The following DACH2 variants were observed in gnomAD, a reference collection of about 807,000 sequenced individuals.
DACH2 encodes dachshund homolog 2.
DACH2 carries 17 observed loss-of-function variants against 35.8 expected under a neutral mutation model. The ratio of observed to expected loss-of-function variants is 0.48; its 90% CI spans 0.33 to 0.71. The LOEUF is 0.71. Ranked by LOEUF, DACH2 falls within the 30% of genes least tolerant of loss-of-function variation. DACH2 has a pLI of 0.02. For missense variants in DACH2, 469 were observed against 472.7 expected (o/e 0.99, Z 0.07); for synonymous variants, 195 against 177.3 (o/e 1.10, Z -0.79).
intron 4 of DACH2, among the ~76,000 whole-genome samples, chrX:86,669,849 G>A (rs977223132): frequency 9.0e-6 from 1 of 110,981 alleles, no homozygotes; most frequent in South Asian, 3.8e-4. Flanking sequence ...GTAGATTTCA[G>A]TTTGATGATG....
intron 2 of DACH2, among the ~76,000 whole-genome samples, chrX:86,468,463 T>C (rs2037709222): frequency 9.0e-6 from 1 of 111,353 alleles, no homozygotes; most frequent in Non-Finnish European, 1.9e-5. Context: ...GCAGACTGTA[T>C]CCCACTTATT....
intron 1 of DACH2, among the ~76,000 whole-genome samples, chrX:86,194,047 T>C (rs769147280): frequency 4.5e-5 from 5 of 110,716 alleles, no homozygotes; most frequent in Non-Finnish European, 7.6e-5. Context: ...CCTCTCTATA[T>C]ATATCACTCA....
At chrX:86,770,603 A>G (rs1197432578) in intron 7 of DACH2, among the ~76,000 whole-genome samples, 3 of 76,167 alleles carry the variant, frequency 3.9e-5, no homozygotes, top group Non-Finnish European at 8.2e-5. Flanking sequence ...GACAGTTTCT[A>G]TCATTATTTG....
intron 1 of DACH2, among the ~76,000 whole-genome samples, chrX:86,202,750 A>C (rs769786983): frequency 1.8e-5 from 2 of 111,276 alleles, no homozygotes; most frequent in African/African-American, 3.3e-5. Flanking sequence ...AGGATTTGGC[A>C]GTGGCAATGG....
chrX:86,567,915 A>T (rs748832083), intron 3 of DACH2, among the ~76,000 whole-genome samples: 117 of 111,702 alleles, frequency 1.0e-3, no homozygotes, highest in Admixed American at 2.0e-3. Context: ...GATATTCTGC[A>T]GTAGGTGAAT....
At chrX:86,202,879 C>A (rs1434595796) in intron 1 of DACH2, among the ~76,000 whole-genome samples, 3 of 111,215 alleles carry the variant, frequency 2.7e-5, no homozygotes, top group African/African-American at 9.8e-5. Context: ...GACTCAGAAC[C>A]ACACACATTG....
intron 5 of DACH2, among the ~76,000 whole-genome samples, chrX:86,700,214 G>A (rs759282230): frequency 1.8e-5 from 2 of 111,130 alleles, no homozygotes; most frequent in South Asian, 3.8e-4. Flanking sequence ...ATGTGCAGAC[G>A]GGAAGAATGT....
chrX:86,236,425 A>G (rs1276101716), intron 1 of DACH2, among the ~76,000 whole-genome samples: 7 of 112,443 alleles, frequency 6.2e-5, no homozygotes, highest in Non-Finnish European at 1.9e-5. Flanking sequence ...TATATTTAAT[A>G]TACAGTCATG....
chrX:86,211,692 A>G (rs1013950434), intron 1 of DACH2, among the ~76,000 whole-genome samples: 1 of 111,814 alleles, frequency 8.9e-6, no homozygotes, highest in Non-Finnish European at 1.9e-5. Flanking sequence ...CTATTTGTAC[A>G]CCCTTTACCT....
At position 86,149,067 on chromosome X, in the gene DACH2, G is replaced by A. The variant is rs767788757; in HGVS notation, c.447G>A (p.Arg149=). 1 of 1,190,438 alleles carries A rather than the reference G, an allele frequency of 8.4e-7. No individual in the cohort carries two copies. ...TAAACCGCTGCAAACTCATCACCAG[G>A]AAAGACTTCGAAACTTTGTTCACCG... ...PGVNRCKLIT[R]KDFETLFTDC... is the part of the protein sequence containing the mutation. The change falls in exon 1 of 12, where the codon AGG becomes AGA. Residue 149 remains arginine (R), a synonymous_variant. Transcript: ENST00000373125.
intron 3 of DACH2, among the ~76,000 whole-genome samples, chrX:86,616,474 G>A (rs2040005592): frequency 8.9e-6 from 1 of 111,960 alleles, no homozygotes; most frequent in South Asian, 3.7e-4. Context: ...ACTGGTGTAA[G>A]GTTGTATCTC....
At chrX:86,382,985 A>C (rs1400148974) in intron 2 of DACH2, among the ~76,000 whole-genome samples, 19 of 110,424 alleles carry the variant, frequency 1.7e-4, no homozygotes, top group Non-Finnish European at 2.7e-4. Flanking sequence ...GTTTAAGCAT[A>C]CTCTGGAAAC....
intron 2 of DACH2, among the ~76,000 whole-genome samples, chrX:86,491,687 TA>T (rs1163113782): frequency 9.0e-6 from 1 of 111,504 alleles, no homozygotes; most frequent in Non-Finnish European, 1.9e-5. Context: ...TTATAAGAGT[TA>T]AAAGGATGTT....
In DACH2 at chrX:86,585,170, C is replaced by T. The variant is rs577598190; in HGVS notation, c.641-65866C>T. ...ATTTTCCTTTGGGTATATATGTTTA[C>T]AGTAATGATACTGCTGGGTCCAATG... On this transcript the variant is annotated intron_variant, in intron 3 of 11. Transcript: ENST00000373125. Among the ~76,000 whole-genome samples the T allele has an allele frequency of 4.8e-4, 53 of 110,659 alleles. 1 individual carries two copies. The highest frequency in any genetic ancestry group is 1.6e-3 in the African/African-American group (48 of 30,574).
chrX:86,314,062 C>T (rs2034850769), intron 1 of DACH2, among the ~76,000 whole-genome samples: 1 of 110,659 alleles, frequency 9.0e-6, no homozygotes, highest in Admixed American at 9.8e-5. Flanking sequence ...TGTGTTCTCA[C>T]TGGTCTACTG....
At chrX:86,482,078 C>T (rs2037945167) in intron 2 of DACH2, among the ~76,000 whole-genome samples, 2 of 111,443 alleles carry the variant, frequency 1.8e-5, no homozygotes, top group Admixed American at 9.6e-5. Flanking sequence ...TTTTTGAGCT[C>T]TGTTGCACAT....
At chrX:86,495,623 A>G (rs1364436325) in intron 2 of DACH2, among the ~76,000 whole-genome samples, 1 of 109,813 alleles carries the variant, frequency 9.1e-6, no homozygotes, top group African/African-American at 3.3e-5. Flanking sequence ...CAGCCTGGGC[A>G]ACATAGTGAG....
chrX:86,474,815 C>T (rs962665205), intron 2 of DACH2, among the ~76,000 whole-genome samples: 6 of 111,840 alleles, frequency 5.4e-5, no homozygotes, highest in African/African-American at 2.0e-4. Context: ...CTCACTGCAA[C>T]CTCCGCTTCC....
chrX:86,248,458 G>A (rs184680580), intron 1 of DACH2, among the ~76,000 whole-genome samples: 21 of 110,702 alleles, frequency 1.9e-4, no homozygotes, highest in Non-Finnish European at 3.2e-4. Flanking sequence ...CATAAAGAAA[G>A]AAAAATATAC....
Sources: allele counts gnomAD v4.1 joint callset (sites outside exome capture counted in the v4.1 genomes callset), GRCh38; gene constraint gnomAD v4.1.1; transcripts MANE v1.5; gene names NCBI Gene and HGNC (gene_info 2026-07-23, HGNC 2026-07-21).